The following NR3C2 variants were observed in gnomAD, a reference collection of about 807,000 sequenced individuals.
The protein encoded by NR3C2 is nuclear receptor subfamily 3 group C member 2, also known as mineralocorticoid receptor.
A neutral mutation model predicts 86.4 loss-of-function variants in NR3C2; 15 were observed. The ratio of observed to expected loss-of-function variants is 0.17; its 90% CI spans 0.12 to 0.27. The LOEUF (loss-of-function observed/expected upper bound fraction) is 0.27. Among genes scored for constraint, NR3C2 ranks in the 10% least tolerant of loss-of-function variants. The pLI, the probability that NR3C2 is intolerant of heterozygous loss-of-function variation, is 1.00. For missense variants in NR3C2, 960 were observed against 1,195.6 expected (o/e 0.80, Z 2.91); for synonymous variants, 458 against 450.5 (o/e 1.02, Z -0.21).
intron 4 of NR3C2, among the ~76,000 whole-genome samples, chr4:148,168,412 GA>G (rs1277478982): frequency 3.9e-5 from 6 of 152,214 alleles, no homozygotes; most frequent in Non-Finnish European, 7.3e-5. Flanking sequence ...TATTTTAGAT[GA>G]GAGGAAATAA....
chr4:148,105,439 C>T (rs189199168), intron 8 of NR3C2, among the ~76,000 whole-genome samples: 65 of 152,274 alleles, frequency 4.3e-4, no homozygotes, highest in African/African-American at 1.4e-3. Flanking sequence ...CCGAATTCTA[C>T]GGGAGGTACA....
At chr4:148,133,193 CAAAAA>C (rs372452845) in intron 6 of NR3C2, among the ~76,000 whole-genome samples, 2 of 97,214 alleles carry the variant, frequency 2.1e-5, no homozygotes, top group Non-Finnish European at 2.0e-5. Flanking sequence ...GAACCTGTCT[CAAAAA>C]AAAAAAAAAA....
chr4:148,382,438 A>G (rs948703008), intron 2 of NR3C2, among the ~76,000 whole-genome samples: 2 of 152,154 alleles, frequency 1.3e-5, no homozygotes, highest in East Asian at 3.9e-4. Flanking sequence ...ACAAGACCCT[A>G]ATGCTATTGT....
chr4:148,265,865 C>T (rs554719094), intron 2 of NR3C2, among the ~76,000 whole-genome samples: 6 of 152,104 alleles, frequency 3.9e-5, no homozygotes, highest in African/African-American at 1.4e-4. Flanking sequence ...ACGGTGGGCC[C>T]CACTGTTCTA....
chr4:148,413,063 CATA>C (rs1325823871), intron 2 of NR3C2, among the ~76,000 whole-genome samples: 10 of 152,136 alleles, frequency 6.6e-5, no homozygotes, highest in Non-Finnish European at 1.2e-4. Flanking sequence ...TCCACACAAG[CATA>C]ATATTTTCAT....
chr4:148,111,678 A>G (rs150546137), intron 8 of NR3C2, among the ~76,000 whole-genome samples: 1 of 152,206 alleles, frequency 6.6e-6, no homozygotes, highest in Non-Finnish European at 1.5e-5. Context: ...TTATATATGA[A>G]ATGGAATGAG....
At chr4:148,213,848 A>G (rs1216667100) in intron 3 of NR3C2, among the ~76,000 whole-genome samples, 1 of 152,366 alleles carries the variant, frequency 6.6e-6, no homozygotes, top group East Asian at 1.9e-4. Context: ...GGAATACTTT[A>G]CAACTTACAT....
chr4:148,182,539 C>T (rs1217701110), intron 4 of NR3C2, among the ~76,000 whole-genome samples: 1 of 152,176 alleles, frequency 6.6e-6, no homozygotes, highest in Non-Finnish European at 1.5e-5. Context: ...GAGCTTTTTT[C>T]AGCAAGATTT....
At chr4:148,145,392 C>T (rs1026588733) in intron 6 of NR3C2, among the ~76,000 whole-genome samples, 11 of 152,194 alleles carry the variant, frequency 7.2e-5, no homozygotes, top group East Asian at 1.9e-4. Flanking sequence ...AGCATGCCAA[C>T]GTGTAAGACC....
chr4:148,368,515 G>C (rs1277210387), intron 2 of NR3C2: 1 of 151,972 alleles, frequency 6.6e-6, no homozygotes, highest in Non-Finnish European at 1.5e-5. Flanking sequence ...AAATGACAGT[G>C]GTATATTTTT....
intron 6 of NR3C2, among the ~76,000 whole-genome samples, chr4:148,147,776 C>T (rs144325330): frequency 1.5e-3 from 223 of 152,222 alleles, no homozygotes; most frequent in Admixed American, 1.9e-3. Context: ...TAGGAAAGCA[C>T]GGGTAATGGC....
chr4:148,137,260 G>A (rs940607913), intron 6 of NR3C2, among the ~76,000 whole-genome samples: 1 of 152,074 alleles, frequency 6.6e-6, no homozygotes, highest in Admixed American at 6.6e-5. Flanking sequence ...GCAGTATAAC[G>A]AAAACAGCAC....
At chr4:148,121,197 T>A (rs1726438684) in intron 6 of NR3C2, among the ~76,000 whole-genome samples, 1 of 152,182 alleles carries the variant, frequency 6.6e-6, no homozygotes, top group Non-Finnish European at 1.5e-5. Flanking sequence ...GTCTGGATAG[T>A]GGATCCATTA....
intron 2 of NR3C2, among the ~76,000 whole-genome samples, chr4:148,413,449 G>A (rs1274431485): frequency 6.6e-6 from 1 of 151,898 alleles, no homozygotes; most frequent in Admixed American, 6.6e-5. Flanking sequence ...CTTAGGCAAG[G>A]GATATAAAGC....
intron 6 of NR3C2, chr4:148,146,711 G>C (rs1317785274): frequency 6.6e-6 from 1 of 152,248 alleles, no homozygotes; most frequent in Non-Finnish European, 1.5e-5. Context: ...ACAGAGGCAT[G>C]TGAAGTGCCA....
intron 4 of NR3C2, among the ~76,000 whole-genome samples, chr4:148,170,437 TAAAA>T (rs35135883): frequency 0.33 from 50,531 of 151,846 alleles, 9,084 homozygotes; most frequent in East Asian, 0.58. Flanking sequence ...CTCAGCATAA[TAAAA>T]AAATTCATTT....
At chr4:148,085,552 AGT>A (rs1312637839) in intron 8 of NR3C2, among the ~76,000 whole-genome samples, 1 of 152,254 alleles carries the variant, frequency 6.6e-6, no homozygotes, top group African/African-American at 2.4e-5. Context: ...AAGGATCTAA[AGT>A]TGATACCCTA....
intron 8 of NR3C2, among the ~76,000 whole-genome samples, chr4:148,104,466 T>C (rs182558555): frequency 3.3e-5 from 5 of 151,938 alleles, no homozygotes; most frequent in Non-Finnish European, 5.9e-5. Context: ...CTTAGAGCCT[T>C]CTTAGTCATG....
chr4:148,436,117 C>A lies in NR3C2; in HGVS notation c.744G>T (p.Ser248=). 5 of 1,614,068 alleles carry A rather than the reference C, an allele frequency of 3.1e-6. No individual in the cohort carries two copies. The highest frequency in any genetic ancestry group is 1.3e-5 in the African/African-American group (1 of 75,014). The stretch of plus-strand genomic sequence containing the variant: ...CATTGCTAGCATGTGCAGGGCTGTG[C>A]GACCTGGAGCCTCGATTTTCAACAT... ...SPNVENRGSR[S]HSPAHASNVG... The change falls in exon 2 of 9, where the codon TCG becomes TCT. Residue 248 remains serine, a synonymous_variant. Transcript: ENST00000358102.
Sources: allele counts gnomAD v4.1 joint callset (sites outside exome capture counted in the v4.1 genomes callset), GRCh38; gene constraint gnomAD v4.1.1; transcripts MANE v1.5; gene names NCBI Gene and HGNC (gene_info 2026-07-23, HGNC 2026-07-21).